Variants in IGF1R observed in about 807,000 individuals in gnomAD.
IGF1R encodes insulin like growth factor 1 receptor.
IGF1R carries 44 observed loss-of-function variants against 144.6 expected under a neutral mutation model. The ratio of observed to expected loss-of-function variants is 0.30; its 90% CI spans 0.24 to 0.39. IGF1R has a LOEUF of 0.39. Ranked by LOEUF, IGF1R falls within the 10% of genes least tolerant of loss-of-function variation. IGF1R has a pLI of 1.00. For synonymous variants in IGF1R, 795 were observed against 722.8 expected (o/e 1.10, Z -1.60); for missense variants, 1,355 against 1,833.7 (o/e 0.74, Z 4.77).
intron 2 of IGF1R, among the ~76,000 whole-genome samples, chr15:98,748,943 C>A (rs1468337213): frequency 1.3e-5 from 2 of 152,150 alleles, no homozygotes; most frequent in African/African-American, 2.4e-5. Flanking sequence ...TGGACACTCA[C>A]ATATTGCACG....
intron 13 of IGF1R, among the ~76,000 whole-genome samples, chr15:98,925,366 A>G (rs1422717314): frequency 6.6e-6 from 1 of 152,282 alleles, no homozygotes; most frequent in Non-Finnish European, 1.5e-5. Flanking sequence ...AACAAGGGCC[A>G]CATACTTGTT....
intron 2 of IGF1R, among the ~76,000 whole-genome samples, chr15:98,772,825 G>GA (rs1596291553): frequency 6.6e-6 from 1 of 151,866 alleles, no homozygotes; most frequent in East Asian, 1.9e-4. Flanking sequence ...GACAAATAAA[G>GA]ATGATATTAC....
intron 19 of IGF1R, among the ~76,000 whole-genome samples, chr15:98,946,027 T>TGAC (rs1218181128): frequency 2.0e-5 from 3 of 152,036 alleles, no homozygotes; most frequent in East Asian, 1.9e-4. Flanking sequence ...ATGATGACGA[T>TGAC]GACGACGATG....
chr15:98,950,146 C>G (rs1280304474), intron 20 of IGF1R, among the ~76,000 whole-genome samples: 1 of 152,192 alleles, frequency 6.6e-6, no homozygotes. Context: ...TGAGGAATTG[C>G]TGGGCTGTTA....
chr15:98,828,971 C>G (rs1468107975), intron 2 of IGF1R, among the ~76,000 whole-genome samples: 1 of 151,974 alleles, frequency 6.6e-6, no homozygotes, highest in Admixed American at 6.6e-5. Flanking sequence ...TCAAGCCCTC[C>G]GAAGCACTCA....
At chr15:98,944,613 T>C (rs2151721090) in intron 19 of IGF1R, among the ~76,000 whole-genome samples, 1 of 152,362 alleles carries the variant, frequency 6.6e-6, no homozygotes, top group South Asian at 2.1e-4. Flanking sequence ...GAAGCAATGA[T>C]TCCTAAATAG....
intron 1 of IGF1R, among the ~76,000 whole-genome samples, chr15:98,678,258 A>G (rs2053097108): frequency 6.6e-6 from 1 of 152,172 alleles, no homozygotes; most frequent in Non-Finnish European, 1.5e-5. Flanking sequence ...TTCCTAATTA[A>G]ATTTGGTTTG....
At chr15:98,846,572 G>A (rs948865270) in intron 2 of IGF1R, among the ~76,000 whole-genome samples, 1 of 152,172 alleles carries the variant, frequency 6.6e-6, no homozygotes. Context: ...GATACCACAC[G>A]GTGATGGTAA....
In IGF1R at chr15:98,964,179, A is replaced by C. The variant is rs949779503; in HGVS notation, c.*6737A>C. 3 of 232,924 alleles carry C rather than the reference A, an allele frequency of 1.3e-5. No individual in the cohort carries two copies. The highest frequency in any genetic ancestry group is 1.1e-4 in the Admixed American group (2 of 17,746). The allele number at this position is 232,924 out of a possible 1,614,324, so 14.4% of individuals were successfully genotyped here. On this transcript the variant is annotated 3_prime_UTR_variant, in exon 21 of 21. Coordinates refer to ENST00000650285, the MANE Select transcript of IGF1R (RefSeq NM_000875.5). ...GGGATGGAATGGATGCACCGCAAAT[A>C]ATGCATTTTCTGAGTTTTCTTGTTA...
chr15:98,710,582 G>C (rs1442088524), intron 2 of IGF1R, among the ~76,000 whole-genome samples: 1 of 151,802 alleles, frequency 6.6e-6, no homozygotes, highest in Non-Finnish European at 1.5e-5. Context: ...TTACTATGTT[G>C]ATAACATGTT....
chr15:98,843,394 C>G (rs1274524136), intron 2 of IGF1R, among the ~76,000 whole-genome samples: 1 of 152,116 alleles, frequency 6.6e-6, no homozygotes, highest in Non-Finnish European at 1.5e-5. Flanking sequence ...GAGGAAGCCT[C>G]AGAGATGATA....
intron 1 of IGF1R, among the ~76,000 whole-genome samples, chr15:98,703,787 T>C (rs920909028): frequency 2.0e-5 from 3 of 152,226 alleles, no homozygotes; most frequent in African/African-American, 7.2e-5. Context: ...TTGATTGCAG[T>C]ATGAAGTTCA....
At chr15:98,854,319 G>A (rs754386940) in intron 2 of IGF1R, among the ~76,000 whole-genome samples, 25 of 152,306 alleles carry the variant, frequency 1.6e-4, no homozygotes, top group South Asian at 8.3e-4. Flanking sequence ...AGGTGCTTTC[G>A]CCACAGTGAG....
chr15:98,828,773 G>GT (rs1466181873), intron 2 of IGF1R, among the ~76,000 whole-genome samples: 4 of 129,194 alleles, frequency 3.1e-5, no homozygotes, highest in African/African-American at 1.2e-4. Flanking sequence ...TGCTGAGCAT[G>GT]GTTTTTTTTT....
chr15:98,880,092 G>T (rs1417529309), intron 2 of IGF1R, among the ~76,000 whole-genome samples: 1 of 152,144 alleles, frequency 6.6e-6, no homozygotes, highest in Non-Finnish European at 1.5e-5. Flanking sequence ...CTACCAAATT[G>T]TACACTCTAA....
chr15:98,897,982 C>T (rs1292532867), intron 4 of IGF1R, among the ~76,000 whole-genome samples: 2 of 149,138 alleles, frequency 1.3e-5, no homozygotes, highest in Non-Finnish European at 3.0e-5. Context: ...ATGTGTTTTC[C>T]TTAATATTTG....
chr15:98,948,219 G>T (rs1400747222), intron 19 of IGF1R, among the ~76,000 whole-genome samples: 1 of 152,226 alleles, frequency 6.6e-6, no homozygotes, highest in Non-Finnish European at 1.5e-5. Flanking sequence ...CAGGTTAGGT[G>T]ATACCGCCTT....
At chr15:98,702,753 A>G (rs1395097090) in intron 1 of IGF1R, among the ~76,000 whole-genome samples, 4 of 151,954 alleles carry the variant, frequency 2.6e-5, no homozygotes, top group African/African-American at 7.3e-5. Flanking sequence ...AACATAGGGA[A>G]ACCCTCTCTC....
Position 98,916,871 on chromosome 15 carries a change from G to A in IGF1R, c.2196G>A (p.Val732=), listed in dbSNP as rs2015275063. The change falls in exon 10 of 21, where the codon GTG becomes GTA. Residue 732 remains valine, a synonymous_variant. Coordinates refer to ENST00000650285, the MANE Select transcript of IGF1R (RefSeq NM_000875.5). ...FENFLHNSIF[V]PRPERKRRDV... ...ATTTCCTGCACAACTCCATCTTCGT[G>A]CCCAGGTACCCAGCTCATGTGAAAT... 6.2e-7 allele frequency: 1 copy of A among 1,614,040 alleles called. No individual in the cohort carries two copies. The highest frequency in any genetic ancestry group is 8.5e-7 in the Non-Finnish European group (1 of 1,179,936).
Sources: gnomAD v4.1 joint callset for allele counts (sites outside exome capture counted in the v4.1 genomes callset) on GRCh38, gnomAD v4.1.1 for gene constraint, MANE v1.5 for transcripts, NCBI Gene and HGNC (gene_info 2026-07-23, HGNC 2026-07-21) for gene names.